MDH1: variants seen among roughly 807,000 people sequenced by gnomAD.
MDH1 encodes the protein malate dehydrogenase 1.
In MDH1, 15 loss-of-function variants were observed where a neutral mutation model predicts 38.7. The observed-to-expected ratio is 0.39, with a 90% CI of 0.26 to 0.60. The LOEUF (loss-of-function observed/expected upper bound fraction) is 0.60. Ranked by LOEUF, MDH1 falls within the 20% of genes least tolerant of loss-of-function variation. MDH1 has a pLI of 0.56. For synonymous variants in MDH1, 144 were observed against 143.6 expected (o/e 1.00, Z -0.02); for missense variants, 368 against 405.2 (o/e 0.91, Z 0.79).
chr2:63,599,718 T>A (rs1384236521), intron 5 of MDH1: 3 of 152,266 alleles, frequency 2.0e-5, no homozygotes, highest in African/African-American at 7.2e-5. Context: ...GCCATCAAAT[T>A]CAGATTTTAA....
At chr2:63,603,722 A>T (rs548179175) in intron 5 of MDH1, among the ~76,000 whole-genome samples, 1 of 131,118 alleles carries the variant, frequency 7.6e-6, no homozygotes, top group East Asian at 2.2e-4. Flanking sequence ...CAGTGGTGCG[A>T]TCTTGGCTCA....
chr2:63,594,754 G>A (rs1324926535), intron 2 of MDH1, 168 bp downstream of exon 2: 11 of 550,736 alleles, frequency 2.0e-5, no homozygotes, highest in South Asian at 6.6e-5. Flanking sequence ...TTATATGTAC[G>A]CCTCCAGGCA....
In MDH1 at chr2:63,594,537, AT is replaced by A. The variant is rs761105284; in HGVS notation, c.55del (p.Ser19HisfsTer18). 5 of 1,613,958 alleles carry A rather than the reference AT, an allele frequency of 3.1e-6. No homozygotes were observed. The highest frequency in any genetic ancestry group is 4.2e-6 in the Non-Finnish European group (5 of 1,179,860). On this transcript the variant is annotated frameshift_variant, in exon 2 of 9. Coordinates refer to ENST00000233114, the MANE Select transcript of MDH1 (RefSeq NM_005917.4). LOFTEE classifies it high-confidence loss of function. ...ACTGGAGCAGCTGGTCAAATTGCAT[AT>A]TCACTGCTGTACAGTATTGGAAATG... ...LVTGAAGQIA[Y>X]SLLYSIGNGS... is the part of the protein sequence containing the mutation.
intron 1 of MDH1, among the ~76,000 whole-genome samples, chr2:63,591,158 G>A (rs896070350): frequency 3.9e-5 from 6 of 152,226 alleles, no homozygotes; most frequent in Admixed American, 1.3e-4. Flanking sequence ...GAGCAAAGAC[G>A]TTCCTTTTTT....
intron 5 of MDH1, among the ~76,000 whole-genome samples, chr2:63,600,615 G>A (rs1392737108): frequency 6.6e-6 from 1 of 152,164 alleles, no homozygotes; most frequent in East Asian, 1.9e-4. Context: ...AAGAAAGGTT[G>A]GCTGCTATTA....
chr2:63,605,007 C>T lies in MDH1; in HGVS notation c.675+135C>T, dbSNP rs147877660. On this transcript the variant is annotated intron_variant, in intron 6 of 8. Transcript: ENST00000233114. Reference sequence around the variant, plus strand: ...TGCATACTTTCGGGATCATAGTAAGCCAGTCATGATCTAGTGTGATCTGAT... The same window carrying T: ...TGCATACTTTCGGGATCATAGTAAGTCAGTCATGATCTAGTGTGATCTGAT... 0.011 allele frequency: 9,063 copies of T among 840,524 alleles called. 68 individuals are homozygous for T. The highest frequency in any genetic ancestry group is 0.014 in the Non-Finnish European group (7,674 of 547,264). The allele number at this position is 840,524 out of a possible 1,614,324, so 52.1% of individuals were successfully genotyped here. A position where few individuals can be genotyped will look rare whatever the true frequency, so the allele number is the denominator to read the frequency against.
Position 63,607,111 on chromosome 2 carries a change from T to A in MDH1, c.*124T>A. The A allele has an allele frequency of 1.1e-6, 1 of 951,546 alleles. No homozygotes were observed. Among genetic ancestry groups the A allele is most frequent in the Non-Finnish European group, 1.5e-6 (1 of 666,202 alleles). 58.9% of individuals were successfully genotyped at this position (951,546 alleles called of 1,614,324 possible). On this transcript the variant is annotated 3_prime_UTR_variant, in exon 9 of 9. Transcript: ENST00000233114. ...GTGAAAAACAACACATTTTAAAGAT[T>A]ACGTGCTTCTTGGTACAGGTTTGTG...
intron 8 of MDH1, 45 bp downstream of exon 8, chr2:63,606,073 T>C (rs770289496): frequency 7.9e-6 from 12 of 1,514,328 alleles, no homozygotes; most frequent in Non-Finnish European, 1.0e-5. Flanking sequence ...GAAGTAGTTA[T>C]ATGTTTCTCT....
Position 63,607,054 on chromosome 2 carries a change from C to T in MDH1, c.*67C>T, listed in dbSNP as rs1709547276. ...TAAATGTCGTCTTTGACTCAAGTAC[C>T]AAATAATAATAATGCTATACTTAAA... On this transcript the variant is annotated 3_prime_UTR_variant, in exon 9 of 9. Coordinates refer to ENST00000233114, the MANE Select transcript of MDH1 (RefSeq NM_005917.4). 2.8e-6 allele frequency: 4 copies of T among 1,425,816 alleles called. No individual in the cohort carries two copies. The highest frequency in any genetic ancestry group is 9.5e-7 in the Non-Finnish European group (1 of 1,047,310). 88.3% of individuals were successfully genotyped at this position (1,425,816 alleles called of 1,614,324 possible). A position where few individuals can be genotyped will look rare whatever the true frequency, so the allele number is the denominator to read the frequency against.
At chr2:63,590,230 C>G (rs938360948) in intron 1 of MDH1, 1 of 152,180 alleles carries the variant, frequency 6.6e-6, no homozygotes, top group African/African-American at 2.4e-5. Flanking sequence ...GCTTTTAGAA[C>G]TGAATGGGAT....
chr2:63,593,647 G>A (rs1709244966), intron 1 of MDH1: 1 of 471,690 alleles, frequency 2.1e-6, no homozygotes, highest in Non-Finnish European at 4.4e-6. Context: ...AAAGGTGACA[G>A]TGGAAGTACA....
At chr2:63,597,686 C>A in intron 4 of MDH1, 112 bp downstream of exon 4, 1 of 962,078 alleles carries the variant, frequency 1.0e-6, no homozygotes. Context: ...TCTGTACAAT[C>A]ATCAGTAAAT....
rs939806267 is a variant in MDH1, at chr2:63,595,325, C to T, written c.103-98C>T. On this transcript the variant is annotated intron_variant, in intron 2 of 8. Transcript: ENST00000233114. ...CATCATGACTAATTAATGGGAATTACATGCATGTACATACCAAATAAAAAC... is the reference window on the plus strand; with the variant it reads ...CATCATGACTAATTAATGGGAATTATATGCATGTACATACCAAATAAAAAC... 1.1e-4 allele frequency: 83 copies of T among 766,448 alleles called. No individual in the cohort carries two copies. The East Asian group carries it at 1.5e-3, about 14-fold the overall frequency. 47.5% of individuals were successfully genotyped at this position (766,448 alleles called of 1,614,324 possible).
In MDH1 at chr2:63,605,316, C is replaced by T. The variant is rs1558863858; in HGVS notation, c.712C>T (p.Arg238Ter). The T allele has an allele frequency of 2.5e-6, 4 of 1,614,172 alleles. No individual in the cohort carries two copies. Among genetic ancestry groups the T allele is most frequent in the Non-Finnish European group, 3.4e-6 (4 of 1,180,012 alleles). The change falls in exon 7 of 9, where the codon CGA becomes TGA. Residue 238 changes from arginine to a stop codon, truncating the protein, a stop_gained. Coordinates refer to ENST00000233114, the MANE Select transcript of MDH1 (RefSeq NM_005917.4). LOFTEE classifies it high-confidence loss of function. ...GCGTGGCGCTGCTGTCATCAAGGCT[C>T]GAAAACTATCCAGTGCCATGTCTGC... ...QQRGAAVIKA[R>*]KLSSAMSAAK...
chr2:63,606,601 TG>T (rs1163525703), intron 8 of MDH1, among the ~76,000 whole-genome samples: 38 of 152,106 alleles, frequency 2.5e-4, no homozygotes, highest in Non-Finnish European at 2.9e-5. Flanking sequence ...AATGAAGCAA[TG>T]GTTTTCAGTG....
chr2:63,595,735 T>C (rs1178698171), intron 3 of MDH1, among the ~76,000 whole-genome samples: 2 of 152,184 alleles, frequency 1.3e-5, no homozygotes, highest in Non-Finnish European at 2.9e-5. Context: ...TATCCTTTTT[T>C]CCCCAATGTG....
chr2:63,591,145 T>C (rs1709195160), intron 1 of MDH1, among the ~76,000 whole-genome samples: 1 of 152,252 alleles, frequency 6.6e-6, no homozygotes, highest in Non-Finnish European at 1.5e-5. Flanking sequence ...GGTGCCCTGC[T>C]AAGAGCAAAG....
intron 1 of MDH1, among the ~76,000 whole-genome samples, chr2:63,591,666 C>T (rs542648234): frequency 2.0e-5 from 3 of 152,312 alleles, no homozygotes; most frequent in African/African-American, 7.2e-5. Context: ...CCCTAACCTT[C>T]CTTCATTCAA....
intron 1 of MDH1, 56 bp downstream of exon 1, chr2:63,589,102 G>T: frequency 6.2e-7 from 1 of 1,614,130 alleles, no homozygotes; most frequent in Non-Finnish European, 8.5e-7. Context: ...CTTGAGTGGG[G>T]TTTCTTGCAC....
Sources: gnomAD v4.1 joint callset for allele counts (sites outside exome capture counted in the v4.1 genomes callset) on GRCh38, gnomAD v4.1.1 for gene constraint, MANE v1.5 for transcripts, NCBI Gene and HGNC (gene_info 2026-07-23, HGNC 2026-07-21) for gene names.